Variants in MAEA observed in about 807,000 individuals in gnomAD.
The protein encoded by MAEA is E3 ubiquitin-protein transferase MAEA.
A neutral mutation model predicts 46.2 loss-of-function variants in MAEA; 22 were observed. The observed-to-expected ratio is 0.48, with a 90% CI of 0.34 to 0.68. The LOEUF is 0.68. MAEA is among the 30% of genes least tolerant of loss of function. MAEA has a pLI of 0.01. For synonymous variants in MAEA, 246 were observed against 222.6 expected, an observed-to-expected ratio of 1.11 and a Z score of -0.94; for missense variants, 393 against 558.1, an observed-to-expected ratio of 0.70 and a Z score of 2.98.
chr4:1,300,668 A>G (rs1320620369), intron 1 of MAEA, among the ~76,000 whole-genome samples: 1 of 152,244 alleles, frequency 6.6e-6, no homozygotes, highest in Non-Finnish European at 1.5e-5. Context: ...AAGACGGACC[A>G]GTGGCTTTAA....
chr4:1,327,747 T>G, intron 5 of MAEA, 44 bp downstream of exon 5: 1 of 1,559,578 alleles, frequency 6.4e-7, no homozygotes, highest in Non-Finnish European at 8.8e-7. Flanking sequence ...GGGCAGGATG[T>G]TCGGCTGCGG....
intron 6 of MAEA, among the ~76,000 whole-genome samples, chr4:1,334,164 A>G (rs11247993): frequency 0.55 from 8,749 of 16,024 alleles, 3,106 homozygotes; most frequent in African/African-American, 0.71. Flanking sequence ...ATCCACCCCC[A>G]TGCCCACCCC....
intron 4 of MAEA, among the ~76,000 whole-genome samples, chr4:1,325,707 G>T (rs888798629): frequency 6.6e-6 from 1 of 151,716 alleles, no homozygotes; most frequent in Non-Finnish European, 1.5e-5. Context: ...ATCTCTTCCC[G>T]CTGGCCCTTC....
At chr4:1,321,490 C>G (rs1474241149) in intron 3 of MAEA, among the ~76,000 whole-genome samples, 1 of 152,140 alleles carries the variant, frequency 6.6e-6, no homozygotes, top group Non-Finnish European at 1.5e-5. Context: ...AGAAAAGGTG[C>G]AAGAAAACAA....
intron 1 of MAEA, chr4:1,309,710 C>T: frequency 6.6e-7 from 1 of 1,525,874 alleles, no homozygotes; most frequent in South Asian, 1.2e-5. Context: ...CACCGTGGCC[C>T]CGGTGAGCCC....
intron 4 of MAEA, among the ~76,000 whole-genome samples, chr4:1,326,812 A>C (rs892509171): frequency 6.6e-6 from 1 of 152,146 alleles, no homozygotes; most frequent in African/African-American, 2.4e-5. Flanking sequence ...GGGCCTCGGC[A>C]CCGGCCCCGG....
At chr4:1,310,355 ATCTT>A (rs1395605918) in intron 1 of MAEA, among the ~76,000 whole-genome samples, 2 of 152,184 alleles carry the variant, frequency 1.3e-5, no homozygotes, top group Admixed American at 1.3e-4. Context: ...GACGAAAAGA[ATCTT>A]TCCCGTCTTT....
Position 1,336,843 on chromosome 4 carries a change from C to T in MAEA, c.766-18C>T. ...TCCCTGGGAGCATCCCCAGGACCCT[C>T]TGCTCTCTGTCTTCCAGGACCTTCT... On this transcript the variant is annotated intron_variant, in intron 6 of 8. Transcript: ENST00000303400. 2 of 1,611,518 alleles carry T rather than the reference C, an allele frequency of 1.2e-6. No homozygotes were observed. The highest frequency in any genetic ancestry group is 1.7e-6 in the Non-Finnish European group (2 of 1,178,646).
At chr4:1,328,563 G>A in intron 5 of MAEA, 1 of 1,145,626 alleles carries the variant, frequency 8.7e-7, no homozygotes, top group Non-Finnish European at 1.1e-6. Context: ...TGCCCAGCAG[G>A]TGTGTTTGCC....
chr4:1,334,723 G>A (rs188758717), intron 6 of MAEA: 131 of 272,482 alleles, frequency 4.8e-4, no homozygotes, highest in African/African-American at 2.4e-3. Flanking sequence ...AATGGGCCCC[G>A]TTGCCATGGG....
chr4:1,330,828 A>C (rs1711678789), intron 5 of MAEA: 1 of 152,104 alleles, frequency 6.6e-6, no homozygotes, highest in Admixed American at 6.6e-5. Flanking sequence ...GAAAAGAGTC[A>C]GCCGCCACTG....
chr4:1,324,972 C>A (rs932192218), intron 4 of MAEA, among the ~76,000 whole-genome samples: 5 of 151,902 alleles, frequency 3.3e-5, no homozygotes, highest in Non-Finnish European at 7.4e-5. Context: ...CGAGACTGGA[C>A]GGGGCCTGAA....
chr4:1,297,110 C>T (rs746979735), intron 1 of MAEA, among the ~76,000 whole-genome samples: 11 of 152,204 alleles, frequency 7.2e-5, no homozygotes, highest in South Asian at 2.1e-4. Flanking sequence ...AACCAAATGC[C>T]GCATCTCGGC....
intron 1 of MAEA, chr4:1,298,050 G>C (rs1295935586): frequency 2.8e-5 from 13 of 456,336 alleles, no homozygotes; most frequent in Non-Finnish European, 5.7e-5. Context: ...TGCCTGGAGT[G>C]GGTGTCGAGT....
At chr4:1,310,494 C>G (rs1219478404) in intron 1 of MAEA, among the ~76,000 whole-genome samples, 1 of 152,230 alleles carries the variant, frequency 6.6e-6, no homozygotes, top group African/African-American at 2.4e-5. Flanking sequence ...GCTTCGAGTC[C>G]GTCTCCTGTT....
chr4:1,303,232 CAA>C (rs71168823), intron 1 of MAEA, among the ~76,000 whole-genome samples: 1,420 of 65,620 alleles, frequency 0.022, 32 homozygotes, highest in African/African-American at 0.08. Flanking sequence ...ACTAAAAATA[CAA>C]AAAAAAAAAA....
intron 4 of MAEA, among the ~76,000 whole-genome samples, chr4:1,327,276 G>T (rs911133700): frequency 5.3e-5 from 8 of 152,242 alleles, no homozygotes; most frequent in South Asian, 2.1e-4. Context: ...CTTGCAGAGG[G>T]GTTGGTGCCT....
At chr4:1,337,376 C>T in intron 7 of MAEA, 2 of 280,686 alleles carry the variant, frequency 7.1e-6, no homozygotes, top group South Asian at 6.4e-5. Context: ...TGACTCTGTC[C>T]CACCTGTGAC....
intron 4 of MAEA, among the ~76,000 whole-genome samples, chr4:1,322,943 C>CTTTTTTTTT (rs60692981): frequency 4.0e-5 from 3 of 75,246 alleles, no homozygotes; most frequent in African/African-American, 1.9e-4. Context: ...TGAATACCCA[C>CTTTTTTTTT]TTTTTTTTTT....
Sources: gnomAD v4.1 joint callset for allele counts (sites outside exome capture counted in the v4.1 genomes callset) on GRCh38, gnomAD v4.1.1 for gene constraint, MANE v1.5 for transcripts, NCBI Gene and HGNC (gene_info 2026-07-23, HGNC 2026-07-21) for gene names.